Variants in FHIT observed in about 807,000 individuals in gnomAD.
The protein encoded by FHIT is bis(5'-adenosyl)-triphosphatase.
FHIT carries 19 observed loss-of-function variants against 17.9 expected under a neutral mutation model. That is an observed-to-expected ratio of 1.06 (90% CI 0.74 to 1.56). The LOEUF (loss-of-function observed/expected upper bound fraction) is 1.56. Ranked by LOEUF, FHIT falls within the 40% of genes most tolerant of loss-of-function variation. The probability of loss-of-function intolerance (pLI) is 0.00; values close to 1 mark genes in which losing one functional copy is unlikely to be tolerated. For synonymous variants in FHIT, 81 were observed against 69.7 expected (o/e 1.16, Z -0.81); for missense variants, 248 against 189.2 (o/e 1.31, Z -1.82).
At chr3:59,988,239 C>G (rs1209387330) in intron 7 of FHIT, among the ~76,000 whole-genome samples, 1 of 152,030 alleles carries the variant, frequency 6.6e-6, no homozygotes, top group African/African-American at 2.4e-5. Context: ...TAAAAATGCA[C>G]AAACAACCTG....
intron 5 of FHIT, among the ~76,000 whole-genome samples, chr3:60,088,198 G>A (rs992071303): frequency 5.9e-5 from 9 of 151,998 alleles, no homozygotes; most frequent in African/African-American, 2.2e-4. Context: ...ATCCCCCAAA[G>A]GCAGGCATTA....
At chr3:60,112,910 C>A (rs1040737525) in intron 5 of FHIT, among the ~76,000 whole-genome samples, 1 of 152,156 alleles carries the variant, frequency 6.6e-6, no homozygotes, top group African/African-American at 2.4e-5. Flanking sequence ...CCACTTTAAG[C>A]CATTTGCTGA....
intron 5 of FHIT, among the ~76,000 whole-genome samples, chr3:60,203,012 A>C (rs1054644340): frequency 6.6e-6 from 1 of 151,542 alleles, no homozygotes; most frequent in South Asian, 2.1e-4. Flanking sequence ...TAAAAAAAAA[A>C]CCCCAATAGA....
intron 5 of FHIT, among the ~76,000 whole-genome samples, chr3:60,225,540 A>G (rs913666385): frequency 6.6e-6 from 1 of 152,140 alleles, no homozygotes; most frequent in African/African-American, 2.4e-5. Context: ...GAAGAGGGAA[A>G]AGACAGGGCA....
At chr3:59,964,555 G>C (rs985340092) in intron 7 of FHIT, among the ~76,000 whole-genome samples, 4 of 152,032 alleles carry the variant, frequency 2.6e-5, no homozygotes, top group African/African-American at 7.2e-5. Context: ...TCATCCACTA[G>C]AGGAAAAGTC....
chr3:61,209,243 C>A (rs1022818240), intron 1 of FHIT, among the ~76,000 whole-genome samples: 3 of 152,182 alleles, frequency 2.0e-5, no homozygotes, highest in African/African-American at 4.8e-5. Context: ...TCTGGCTGCC[C>A]TTAAAATTTT....
At chr3:60,733,015 A>G (rs1187299781) in intron 4 of FHIT, among the ~76,000 whole-genome samples, 3 of 152,074 alleles carry the variant, frequency 2.0e-5, no homozygotes, top group Non-Finnish European at 4.4e-5. Context: ...CTATTTCCCC[A>G]TCCTATCTCA....
chr3:61,075,495 A>T (rs2034945038), intron 2 of FHIT, among the ~76,000 whole-genome samples: 1 of 152,106 alleles, frequency 6.6e-6, no homozygotes, highest in Admixed American at 6.6e-5. Flanking sequence ...GATTAGGAAG[A>T]CCATTGCATA....
At chr3:61,179,799 A>G (rs1485707822) in intron 2 of FHIT, among the ~76,000 whole-genome samples, 1 of 151,798 alleles carries the variant, frequency 6.6e-6, no homozygotes, top group Non-Finnish European at 1.5e-5. Context: ...CAAGATAGTG[A>G]CAGCCTCAGT....
chr3:60,500,582 C>CA (rs929741378), intron 5 of FHIT, among the ~76,000 whole-genome samples: 1 of 151,210 alleles, frequency 6.6e-6, no homozygotes, highest in African/African-American at 2.4e-5. Flanking sequence ...CCAGCCTGGT[C>CA]AACATGGTAA....
chr3:59,790,109 T>G (rs1699486038), intron 8 of FHIT, among the ~76,000 whole-genome samples: 1 of 152,200 alleles, frequency 6.6e-6, no homozygotes, highest in Admixed American at 6.5e-5. Context: ...AAGAGCAGAT[T>G]CTAAAATGGG....
intron 5 of FHIT, among the ~76,000 whole-genome samples, chr3:60,183,747 G>A (rs1018837753): frequency 1.3e-5 from 2 of 151,982 alleles, no homozygotes; most frequent in African/African-American, 4.8e-5. Flanking sequence ...TCTCTATTAG[G>A]GCCAGTAACT....
chr3:60,280,526 C>T (rs373962459), intron 5 of FHIT, among the ~76,000 whole-genome samples: 7 of 152,204 alleles, frequency 4.6e-5, no homozygotes, highest in East Asian at 3.9e-4. Context: ...AACACAGACT[C>T]ATCAAGAAGC....
At chr3:59,942,366 T>C (rs909604215) in intron 7 of FHIT, among the ~76,000 whole-genome samples, 3 of 152,200 alleles carry the variant, frequency 2.0e-5, no homozygotes, top group Non-Finnish European at 4.4e-5. Flanking sequence ...TCAGATGTGA[T>C]GCTTCAAACT....
intron 5 of FHIT, among the ~76,000 whole-genome samples, chr3:60,172,524 C>T (rs1701467225): frequency 6.6e-6 from 1 of 151,988 alleles, no homozygotes; most frequent in Non-Finnish European, 1.5e-5. Context: ...GATCCGCCTG[C>T]CTTGGCCTCC....
At chr3:60,553,459 T>TA (rs1345716605) in intron 4 of FHIT, 6 of 367,968 alleles carry the variant, frequency 1.6e-5, no homozygotes, top group African/African-American at 1.1e-4. Flanking sequence ...TATATATATA[T>TA]TTTATATTTA....
In FHIT at chr3:60,252,290, T is replaced by C. The variant is rs192256089; in HGVS notation, c.104-238138A>G. On this transcript the variant is annotated intron_variant, in intron 5 of 9. Coordinates refer to ENST00000492590, the MANE Select transcript of FHIT (RefSeq NM_002012.4). ...ATTAACAAACAAAAGGAACCTGTAA[T>C]CCCAGAACTTTGGGAAACCAAAGCG... Among the ~76,000 whole-genome samples the C allele has an allele frequency of 3.7e-4, 57 of 152,154 alleles. No homozygotes were observed. In the East Asian group the frequency reaches 7.7e-3, roughly 21 times the overall value.
chr3:60,426,049 A>T (rs1398934282), intron 5 of FHIT, among the ~76,000 whole-genome samples: 3 of 152,166 alleles, frequency 2.0e-5, no homozygotes, highest in Non-Finnish European at 4.4e-5. Flanking sequence ...AGAACCATGT[A>T]GAAAAGAGCA....
intron 7 of FHIT, among the ~76,000 whole-genome samples, chr3:59,955,734 C>T (rs1305328500): frequency 6.6e-6 from 1 of 152,032 alleles, no homozygotes. Context: ...TTCACAGCAC[C>T]TCCTCTCCCC....
Sources: gnomAD v4.1 joint callset for allele counts (sites outside exome capture counted in the v4.1 genomes callset) on GRCh38, gnomAD v4.1.1 for gene constraint, MANE v1.5 for transcripts, NCBI Gene and HGNC (gene_info 2026-07-23, HGNC 2026-07-21) for gene names.